The following RAB11FIP4 variants were observed in gnomAD, a reference collection of about 807,000 sequenced individuals.
RAB11FIP4 encodes the protein rab11 family-interacting protein 4.
In RAB11FIP4, 23 loss-of-function variants were observed where a neutral mutation model predicts 74.3. That is an observed-to-expected ratio of 0.31 (90% CI 0.22 to 0.44). RAB11FIP4 has a LOEUF of 0.44. Among genes scored for constraint, RAB11FIP4 ranks in the 20% least tolerant of loss-of-function variants. The probability of loss-of-function intolerance (pLI) is 1.00; values close to 1 mark genes in which losing one functional copy is unlikely to be tolerated. For synonymous variants in RAB11FIP4, 360 were observed against 359.9 expected, an observed-to-expected ratio of 1.00 and a Z score of 0.00; for missense variants, 630 against 863.9, an observed-to-expected ratio of 0.73 and a Z score of 3.39.
At chr17:31,531,323 T>C (rs562495319) in intron 14 of RAB11FIP4, among the ~76,000 whole-genome samples, 2 of 152,308 alleles carry the variant, frequency 1.3e-5, no homozygotes, top group East Asian at 1.9e-4. Flanking sequence ...CTTTGGCTAG[T>C]GTTTTCTACT....
At chr17:31,470,375 T>A (rs978913405) in intron 3 of RAB11FIP4, among the ~76,000 whole-genome samples, 5 of 152,200 alleles carry the variant, frequency 3.3e-5, no homozygotes, top group African/African-American at 1.2e-4. Flanking sequence ...TGATTGATGC[T>A]CTGCTACTTG....
At chr17:31,524,902 A>ATG in intron 9 of RAB11FIP4, 188 bp from the exon 10 acceptor site, 1 of 694,462 alleles carries the variant, frequency 1.4e-6, no homozygotes, top group Non-Finnish European at 2.4e-6. Context: ...CCTCCATGGC[A>ATG]TGTGTGACCG....
intron 3 of RAB11FIP4, among the ~76,000 whole-genome samples, chr17:31,505,446 TATA>T (rs1358578701): frequency 6.3e-5 from 5 of 79,056 alleles, no homozygotes; most frequent in East Asian, 2.9e-4. Flanking sequence ...TTATATAATA[TATA>T]ATAATTATTA....
intron 1 of RAB11FIP4, among the ~76,000 whole-genome samples, chr17:31,430,651 G>A (rs983833053): frequency 1.2e-4 from 19 of 152,024 alleles, no homozygotes; most frequent in East Asian, 3.9e-4. Flanking sequence ...GAGCCACCGC[G>A]CCCGCCCTGG....
intron 13 of RAB11FIP4, among the ~76,000 whole-genome samples, chr17:31,529,869 C>T (rs1319130249): frequency 3.9e-5 from 6 of 152,276 alleles, no homozygotes; most frequent in East Asian, 3.9e-4. Flanking sequence ...AGTGTGAGAC[C>T]GGTGCATGGG....
intron 3 of RAB11FIP4, among the ~76,000 whole-genome samples, chr17:31,443,551 C>T (rs1468997602): frequency 3.9e-5 from 6 of 152,212 alleles, no homozygotes; most frequent in Non-Finnish European, 8.8e-5. Context: ...TGCCCTCCCT[C>T]ACCTGGCTGG....
At chr17:31,452,996 T>C (rs1034490862) in intron 3 of RAB11FIP4, among the ~76,000 whole-genome samples, 9 of 152,068 alleles carry the variant, frequency 5.9e-5, no homozygotes, top group African/African-American at 2.2e-4. Context: ...TTCCAAGCTT[T>C]GGTTTCAGGA....
chr17:31,483,085 CA>C (rs959109453), intron 3 of RAB11FIP4, among the ~76,000 whole-genome samples: 1 of 149,220 alleles, frequency 6.7e-6, no homozygotes, highest in African/African-American at 2.5e-5. Context: ...CCCAGCTACT[CA>C]GGAGGCTGAG....
rs2072708784 is a variant in RAB11FIP4, at chr17:31,523,579, A to G, written c.997A>G (p.Ile333Val). 6.2e-7 allele frequency: 1 copy of G among 1,614,006 alleles called. No homozygotes were observed. Among genetic ancestry groups the G allele is most frequent in the African/African-American group, 1.3e-5 (1 of 74,926 alleles). The change falls in exon 8 of 15, where the codon ATT becomes GTT. Residue 333 changes from isoleucine (I) to valine (V), a missense_variant. By Grantham distance (29) the Ile-to-Val change is conservative (BLOSUM62 3). Transcript: ENST00000621161. ...GSTEDLFRDS[I>V]DSCDNDITEK... ...CACCGAAGACCTGTTCCGGGACAGC[A>G]TTGACTCTTGCGACAATGACATCAC...
intron 1 of RAB11FIP4, among the ~76,000 whole-genome samples, chr17:31,396,115 C>T (rs2070926672): frequency 6.7e-6 from 1 of 148,746 alleles, no homozygotes; most frequent in South Asian, 2.1e-4. Context: ...ACCTGGGAGG[C>T]GGAGGTTGCA....
intron 3 of RAB11FIP4, among the ~76,000 whole-genome samples, chr17:31,443,846 C>T (rs1290030961): frequency 6.6e-6 from 1 of 152,218 alleles, no homozygotes; most frequent in Non-Finnish European, 1.5e-5. Flanking sequence ...ACCCAGAAGG[C>T]AGAGGTTGCA....
intron 3 of RAB11FIP4, among the ~76,000 whole-genome samples, chr17:31,463,516 C>T (rs962383739): frequency 4.6e-5 from 7 of 152,172 alleles, no homozygotes; most frequent in Non-Finnish European, 1.0e-4. Flanking sequence ...GCAAGAGCAC[C>T]CAGAACCTCC....
At chr17:31,465,014 C>T (rs757804337) in intron 3 of RAB11FIP4, among the ~76,000 whole-genome samples, 14 of 151,994 alleles carry the variant, frequency 9.2e-5, no homozygotes, top group Non-Finnish European at 1.2e-4. Flanking sequence ...CTGCCTTGGC[C>T]TCCCAAAGTG....
At chr17:31,410,344 TGAA>T (rs1300428185) in intron 1 of RAB11FIP4, among the ~76,000 whole-genome samples, 1 of 152,002 alleles carries the variant, frequency 6.6e-6, no homozygotes. Flanking sequence ...ATGATGATGA[TGAA>T]GGAGAAACAT....
In RAB11FIP4 at chr17:31,512,786, C is replaced by G. The variant is rs890459061; in HGVS notation, c.337-4865C>G. Among the ~76,000 whole-genome samples the G allele has an allele frequency of 8.3e-5, 11 of 132,848 alleles. No individual in the cohort carries two copies. Among genetic ancestry groups the G allele is most frequent in the African/African-American group, 3.5e-4 (11 of 31,474 alleles). The allele number at this position is 132,848 out of a possible 152,430, so 87.2% of individuals were successfully genotyped here. Reference sequence around the variant, plus strand: ...AACCCTGGGAACACCAGGCCAAGCTCCAGGCCTGGACATGTGTAGGGTCCC... The same window carrying G: ...AACCCTGGGAACACCAGGCCAAGCTGCAGGCCTGGACATGTGTAGGGTCCC... On this transcript the variant is annotated intron_variant, in intron 3 of 14. Coordinates refer to ENST00000621161, the MANE Select transcript of RAB11FIP4 (RefSeq NM_032932.6). This position sits in a 1 kb window ranked among gnomAD's most constrained non-coding sequence, Gnocchi z 4.1.
rs529983084 is a variant in RAB11FIP4 at position 31,503,865 on chromosome 17, G to A, written c.337-13786G>A. On this transcript the variant is annotated intron_variant, in intron 3 of 14. Coordinates refer to ENST00000621161, the MANE Select transcript of RAB11FIP4 (RefSeq NM_032932.6). ...AGAGCCAGACCTGTCAGGAAAAAGC[G>A]AATAAACCGATCAAAAAATCAGCAA... Among the ~76,000 whole-genome samples, 37 of 149,490 alleles carry A rather than the reference G, an allele frequency of 2.5e-4. No individual in the cohort carries two copies. In the South Asian group the frequency reaches 3.5e-3, roughly 14 times the overall value.
chr17:31,529,978 G>T (rs1293503239), intron 13 of RAB11FIP4, among the ~76,000 whole-genome samples: 1 of 152,172 alleles, frequency 6.6e-6, no homozygotes, highest in Admixed American at 6.5e-5. Context: ...TGCCCAGAGA[G>T]CCCAGAGCAT....
chr17:31,403,591 G>A (rs1457931914), intron 1 of RAB11FIP4, among the ~76,000 whole-genome samples: 2 of 151,992 alleles, frequency 1.3e-5, no homozygotes, highest in African/African-American at 4.8e-5. Flanking sequence ...CAAAGTCCTG[G>A]GGTTACAGGC....
At chr17:31,525,289 G>A in intron 10 of RAB11FIP4, 59 bp downstream of exon 10, 1 of 1,484,158 alleles carries the variant, frequency 6.7e-7, no homozygotes, top group African/African-American at 1.4e-5. Context: ...GGGCAGCCCT[G>A]TGGGATAGGC....
Sources: allele counts gnomAD v4.1 joint callset (sites outside exome capture counted in the v4.1 genomes callset), GRCh38; gene constraint gnomAD v4.1.1; non-coding constraint Gnocchi (gnomAD v3.1); transcripts MANE v1.5; gene names NCBI Gene and HGNC (gene_info 2026-07-23, HGNC 2026-07-21).